The following ZNF469 variants were observed in gnomAD, a reference collection of about 807,000 sequenced individuals.
ZNF469 encodes zinc finger protein 469.
ZNF469 carries 1 observed loss-of-function variant against 1.0 expected under a neutral mutation model. The observed-to-expected ratio is 1.00, with a 90% confidence interval of 0.35 to 4.73. The LOEUF is 4.73. Ranked by LOEUF, ZNF469 falls within the 30% of genes most tolerant of loss-of-function variation. The pLI is 0.16. For missense variants in ZNF469, 6,100 were observed against 5,356.3 expected (o/e 1.14, Z -4.33); for synonymous variants, 2,703 against 2,363.4 (o/e 1.14, Z -4.17).
chr16:88,122,023 C>A, the ZNF469 span, among the ~76,000 whole-genome samples: 2 of 147,030 alleles, frequency 1.4e-5, no homozygotes, highest in Non-Finnish European at 2.9e-5. Flanking sequence ...ACTCGGATCA[C>A]ACTCTGTCAC....
chr16:88,409,696 C>T lies in ZNF469; in HGVS notation c.-191-15111C>T, dbSNP rs531804378. On this transcript the variant is annotated intron_variant, in intron 1 of 2. Coordinates refer to ENST00000565624, the MANE Select transcript of ZNF469 (RefSeq NM_001367624.2). ...TGGAGACGAAAAATGCATGTGTTCA[C>T]ACGTGTGCAGCTCTGCGTGAGGAAA... is the stretch of plus-strand genomic sequence containing the variant. Among the ~76,000 whole-genome samples, 178 of 152,336 alleles carry T rather than the reference C, an allele frequency of 1.2e-3. 1 individual carries two copies. The highest frequency in any genetic ancestry group is 4.0e-3 in the African/African-American group (168 of 41,568).
chr16:88,252,702 ATG>A, the ZNF469 span, among the ~76,000 whole-genome samples: 2 of 152,372 alleles, frequency 1.3e-5, no homozygotes, highest in South Asian at 4.1e-4. Flanking sequence ...ACGCATGTGT[ATG>A]TGTGTATTAC....
the ZNF469 span, among the ~76,000 whole-genome samples, chr16:88,323,672 G>A: frequency 5.9e-5 from 9 of 152,280 alleles, no homozygotes; most frequent in Admixed American, 2.6e-4. Flanking sequence ...AGAGGTATTG[G>A]GGGGGCTGCC....
the ZNF469 span, among the ~76,000 whole-genome samples, chr16:88,104,506 G>T: frequency 6.6e-6 from 1 of 152,096 alleles, no homozygotes; most frequent in African/African-American, 2.4e-5. Context: ...GCCTCTCGCT[G>T]ACCCCGCCAG....
At chr16:88,107,347 A>C in the ZNF469 span, among the ~76,000 whole-genome samples, 2 of 152,242 alleles carry the variant, frequency 1.3e-5, no homozygotes, top group African/African-American at 4.8e-5. Flanking sequence ...AGAAGCAAGA[A>C]CCTTCTTCAC....
In ZNF469 at chr16:88,427,918, G is replaced by A. The variant is rs565385445; in HGVS notation, c.448G>A (p.Val150Met). The A allele has an allele frequency of 3.2e-6, 5 of 1,549,898 alleles. No individual in the cohort carries two copies. The African/African-American group carries it at 6.8e-5, about 21-fold the overall frequency. The change falls in exon 3 of 3, where the codon GTG (valine) becomes ATG (methionine). Residue 150 changes from valine to methionine, a missense_variant. Physicochemically the swap from Val to Met is conservative, Grantham distance 21. Coordinates refer to ENST00000565624, the MANE Select transcript of ZNF469 (RefSeq NM_001367624.2). ...PQLEAAQLPE[V>M]DTPQGPGTGA... The stretch of plus-strand genomic sequence containing the variant: ...GCTGGAGGCTGCCCAGCTCCCTGAG[G>A]TGGACACCCCCCAGGGCCCTGGGAC...
chr16:88,235,165 C>T, the ZNF469 span, among the ~76,000 whole-genome samples: 4 of 152,176 alleles, frequency 2.6e-5, no homozygotes, highest in Admixed American at 1.3e-4. Context: ...CATTTCGCAC[C>T]GGGCCTCTCC....
chr16:88,398,420 T>G (rs80085206), intron 1 of ZNF469, among the ~76,000 whole-genome samples: 1 of 146,380 alleles, frequency 6.8e-6, no homozygotes, highest in Non-Finnish European at 1.5e-5. Context: ...TGAAGGGACA[T>G]GTGGGCCACG....
the ZNF469 span, among the ~76,000 whole-genome samples, chr16:88,265,162 G>T: frequency 1.1e-4 from 16 of 152,184 alleles, no homozygotes; most frequent in Non-Finnish European, 2.2e-4. Flanking sequence ...GGGGAGTCCC[G>T]CTCTGCCCTG....
chr16:88,158,202 CTTG>C, the ZNF469 span, among the ~76,000 whole-genome samples: 1 of 151,768 alleles, frequency 6.6e-6, no homozygotes, highest in Non-Finnish European at 1.5e-5. Flanking sequence ...CTTGAGAACC[CTTG>C]TTAGAGGCAG....
the ZNF469 span, among the ~76,000 whole-genome samples, chr16:88,209,267 C>T: frequency 6.7e-4 from 102 of 152,146 alleles, no homozygotes; most frequent in Middle Eastern, 3.4e-3. Context: ...GTTGTTCTTC[C>T]GGTGTTTCTT....
In ZNF469 at chr16:88,402,346, G is replaced by C. The variant is rs114584406; in HGVS notation, c.-192+19092G>C. Reference sequence around the variant, plus strand: ...GCAGATTCACCCAGGTGAACAGGTGGATCAAGAACTGGGCCCCAGTTATGC... The same window carrying C: ...GCAGATTCACCCAGGTGAACAGGTGCATCAAGAACTGGGCCCCAGTTATGC... On this transcript the variant is annotated intron_variant, in intron 1 of 2. Coordinates refer to ENST00000565624, the MANE Select transcript of ZNF469 (RefSeq NM_001367624.2). Among the ~76,000 whole-genome samples the C allele has an allele frequency of 2.4e-3, 371 of 152,274 alleles. 2 individuals are homozygous for C. Among genetic ancestry groups the C allele is most frequent in the African/African-American group, 8.5e-3 (354 of 41,526 alleles).
Position 88,436,105 on chromosome 16 carries a change from G to A in ZNF469, c.8635G>A (p.Gly2879Arg), listed in dbSNP as rs1197452073. 1.0e-5 allele frequency: 16 copies of A among 1,549,048 alleles called. No homozygotes were observed. The highest frequency in any genetic ancestry group is 2.4e-5 in the East Asian group (1 of 40,912). The change falls in exon 3 of 3, where the codon GGG (glycine) becomes AGG (arginine). Residue 2879 changes from glycine (G) to arginine (R), a missense_variant. Coordinates refer to ENST00000565624, the MANE Select transcript of ZNF469 (RefSeq NM_001367624.2). ...LTRKRNPHVY[G>R]KRCEKPVLPL... is the part of the protein sequence containing the mutation. ...TAGAAAGAGGAACCCGCATGTCTAC[G>A]GGAAGCGCTGTGAGAAGCCGGTGCT...
In ZNF469 at chr16:88,439,342, G is replaced by A; in HGVS notation, c.*10G>A. Reference sequence around the variant, plus strand: ...AGATGCTTCCGAGTAATTTCTAGGAGCAAGAGCCTGGGACCGGAGCTGGGC... The same window carrying A: ...AGATGCTTCCGAGTAATTTCTAGGAACAAGAGCCTGGGACCGGAGCTGGGC... On this transcript the variant is annotated 3_prime_UTR_variant, in exon 3 of 3. Coordinates refer to ENST00000565624, the MANE Select transcript of ZNF469 (RefSeq NM_001367624.2). The A allele has an allele frequency of 6.5e-7, 1 of 1,550,190 alleles. No individual in the cohort carries two copies. Among genetic ancestry groups the A allele is most frequent in the South Asian group, 1.2e-5 (1 of 84,040 alleles).
At chr16:88,368,023 A>G in the ZNF469 span, among the ~76,000 whole-genome samples, 115,438 of 152,154 alleles carry the variant, frequency 0.76, 44,226 homozygotes, top group Middle Eastern at 0.83. Context: ...TGTCCTCCCT[A>G]CACAGGATGA....
chr16:88,395,793 C>T (rs967825083), intron 1 of ZNF469, among the ~76,000 whole-genome samples: 1 of 152,224 alleles, frequency 6.6e-6, no homozygotes, highest in Admixed American at 6.5e-5. Context: ...TAAGAGCTGC[C>T]ACCATGCGGG....
the ZNF469 span, among the ~76,000 whole-genome samples, chr16:88,331,363 CCATCATCAT>C: frequency 6.6e-6 from 1 of 150,608 alleles, no homozygotes; most frequent in Non-Finnish European, 1.5e-5. Context: ...ACCATCATCA[CCATCATCAT>C]CATCATATCA....
At chr16:88,110,551 A>G in the ZNF469 span, among the ~76,000 whole-genome samples, 2 of 152,216 alleles carry the variant, frequency 1.3e-5, no homozygotes, top group Admixed American at 6.5e-5. Flanking sequence ...CAGCTTCCCC[A>G]GCCCTGGTGC....
the ZNF469 span, among the ~76,000 whole-genome samples, chr16:88,152,120 T>C: frequency 6.6e-6 from 1 of 151,868 alleles, no homozygotes; most frequent in Non-Finnish European, 1.5e-5. This position sits in a 1 kb window ranked among gnomAD's most constrained non-coding sequence, Gnocchi z 4.2. Flanking sequence ...AGGCCATGGG[T>C]GGAGGAGGGC....
Sources: allele counts gnomAD v4.1 joint callset (sites outside exome capture counted in the v4.1 genomes callset), GRCh38; gene constraint gnomAD v4.1.1; non-coding constraint Gnocchi (gnomAD v3.1); transcripts MANE v1.5; gene names NCBI Gene and HGNC (gene_info 2026-07-23, HGNC 2026-07-21).